The following MAP1LC3C variants were observed in gnomAD, a reference collection of about 807,000 sequenced individuals.
The protein encoded by MAP1LC3C is microtubule associated protein 1 light chain 3 gamma.
MAP1LC3C carries 12 observed loss-of-function variants against 10.4 expected under a neutral mutation model. The observed-to-expected ratio is 1.15, with a 90% CI of 0.74 to 1.86. The LOEUF (loss-of-function observed/expected upper bound fraction) is 1.86. MAP1LC3C is among the 40% of genes most tolerant of loss of function. MAP1LC3C has a pLI of 0.00. For missense variants in MAP1LC3C, 177 were observed against 185.7 expected, an observed-to-expected ratio of 0.95 and a Z score of 0.27; for synonymous variants, 70 against 69.0, an observed-to-expected ratio of 1.01 and a Z score of -0.07.
At chr1:241,997,297 A>T (rs1202171745) in intron 3 of MAP1LC3C, among the ~76,000 whole-genome samples, 1 of 152,142 alleles carries the variant, frequency 6.6e-6, no homozygotes, top group African/African-American at 2.4e-5. Context: ...GAATGCTCTT[A>T]ACTCAGTAAA....
At position 241,996,366 on chromosome 1, in the gene MAP1LC3C, C is replaced by T. The variant is rs1665085730; in HGVS notation, c.241G>A (p.Ala81Thr). ...ACCAGCAAGTAAAAGGCTTCCGTGG[C>T]TCTCAGGACCATGCGGCTCCTGGGA... The part of the protein sequence containing the change: ...SIIRSRMVLR[A>T]TEAFYLLVNN... The change falls in exon 4 of 4, where the codon GCC (alanine) becomes ACC (threonine). Residue 81 changes from alanine to threonine, a missense_variant. Ala to Thr is a moderately conservative substitution (Grantham distance 58). Transcript: ENST00000357246. The T allele has an allele frequency of 1.2e-6, 2 of 1,614,066 alleles. No individual in the cohort carries two copies. The highest frequency in any genetic ancestry group is 1.3e-5 in the African/African-American group (1 of 75,028).
At position 241,998,573 on chromosome 1, in the gene MAP1LC3C, G is replaced by A. The variant is rs2148600766; in HGVS notation, c.162C>T (p.Asp54=). The change falls in exon 3 of 4, where the codon GAC becomes GAT. Residue 54 remains aspartate, a synonymous_variant. Coordinates refer to ENST00000357246, the MANE Select transcript of MAP1LC3C (RefSeq NM_001004343.3). ...CCTGCGGGACCAGGAACTTGGTTTTGTCCAGCGGGGGCAGGAACGTCTCCC... is the reference window on the plus strand; with the variant it reads ...CCTGCGGGACCAGGAACTTGGTTTTATCCAGCGGGGGCAGGAACGTCTCCC... ...YPRETFLPPL[D]KTKFLVPQEL... 1 of 1,613,400 alleles carries A rather than the reference G, an allele frequency of 6.2e-7. No homozygotes were observed. The highest frequency in any genetic ancestry group is 8.5e-7 in the Non-Finnish European group (1 of 1,179,828).
At position 241,998,548 on chromosome 1, in the gene MAP1LC3C, C is replaced by A. The variant is rs1158894611; in HGVS notation, c.187G>T (p.Glu63Ter). 1.9e-6 allele frequency: 3 copies of A among 1,613,986 alleles called. No homozygotes were observed. The Admixed American group carries it at 5.0e-5, about 27-fold the overall frequency. Residue 63 changes from glutamate to a stop codon, truncating the protein, a stop_gained, in exon 3 of 4, where the codon GAG becomes TAG. Coordinates refer to ENST00000357246, the MANE Select transcript of MAP1LC3C (RefSeq NM_001004343.3). LOFTEE classifies it low-confidence loss of function (END_TRUNC). ...CTGAGGAACTGGGTCATGGTCAGCT[C>A]CTGCGGGACCAGGAACTTGGTTTTG... ...LDKTKFLVPQELTMTQFLSII... is the reference protein window; with the variant it reads ...LDKTKFLVPQ
chr1:241,998,928 G>A, intron 1 of MAP1LC3C, 23 bp downstream of exon 1: 1 of 1,611,486 alleles, frequency 6.2e-7, no homozygotes, highest in Non-Finnish European at 8.5e-7. Context: ...AGATAACCCA[G>A]AAAGCTACCC....
chr1:241,998,450 G>C, intron 3 of MAP1LC3C, 64 bp downstream of exon 3: 1 of 1,419,182 alleles, frequency 7.0e-7, no homozygotes, highest in Non-Finnish European at 9.9e-7. Flanking sequence ...GCCAAACGAA[G>C]AAAGCCCAAC....
At position 241,998,018 on chromosome 1, in the gene MAP1LC3C, ATTC is replaced by A. The variant is rs1365511012; in HGVS notation, c.221+493_221+495del. ...CTCCTTACCTGTTTAAAATAGAGTA[ATTC>A]TTTTTTTTTTTTTTTTTTTTTTGAG... On this transcript the variant is annotated intron_variant, in intron 3 of 3. Coordinates refer to ENST00000357246, the MANE Select transcript of MAP1LC3C (RefSeq NM_001004343.3). 1.4e-3 allele frequency among the ~76,000 whole-genome samples: 125 copies of A among 89,436 alleles called. 1 individual carries two copies. The highest frequency in any genetic ancestry group is 5.5e-3 in the African/African-American group (115 of 21,024). 58.7% of individuals were successfully genotyped at this position (89,436 alleles called of 152,430 possible).
upstream of MAP1LC3C, among the ~76,000 whole-genome samples, chr1:242,000,920 G>A (rs1261944669): frequency 1.3e-5 from 2 of 152,012 alleles, no homozygotes; most frequent in Non-Finnish European, 2.9e-5. Flanking sequence ...TCTTTCTGGC[G>A]ACCAGCCCCC....
rs776473823 is a variant in MAP1LC3C, at chr1:241,996,381, G to T, written c.226C>A (p.Arg76Ser). 2.5e-6 allele frequency: 4 copies of T among 1,613,726 alleles called. No individual in the cohort carries two copies. In the South Asian group the frequency reaches 3.3e-5, roughly 13 times the overall value. ...GCTTCCGTGGCTCTCAGGACCATGC[G>T]GCTCCTGGGATGGGCAGGAGGGTGG... ...MTQFLSIIRS[R>S]MVLRATEAFY... The change falls in exon 4 of 4, where the codon CGC becomes AGC. Residue 76 changes from arginine to serine, a missense_variant. By Grantham distance (110) the Arg-to-Ser change is moderately radical. Coordinates refer to ENST00000357246, the MANE Select transcript of MAP1LC3C (RefSeq NM_001004343.3).
rs368578106 is a variant in MAP1LC3C at position 241,996,015 on chromosome 1, G to A, written c.*148C>T. On this transcript the variant is annotated 3_prime_UTR_variant, in exon 4 of 4. Transcript: ENST00000357246. ...CGGAGCACAAAAACTAAACTAGGAA[G>A]AGCCACCACTCTGCTGCCACTGGTT... 10 of 596,538 alleles carry A rather than the reference G, an allele frequency of 1.7e-5. No individual in the cohort carries two copies. The highest frequency in any genetic ancestry group is 3.7e-5 in the African/African-American group (2 of 54,420). 37.0% of individuals were successfully genotyped at this position (596,538 alleles called of 1,614,324 possible).
upstream of MAP1LC3C, among the ~76,000 whole-genome samples, chr1:241,999,386 G>T (rs1475037049): frequency 1.3e-5 from 2 of 152,186 alleles, no homozygotes; most frequent in Admixed American, 6.5e-5. Flanking sequence ...CAGTAGCAAG[G>T]GGGGGTCCAA....
At chr1:241,998,328 A>G (rs1665128547) in intron 3 of MAP1LC3C, among the ~76,000 whole-genome samples, 186 bp downstream of exon 3, 1 of 152,128 alleles carries the variant, frequency 6.6e-6, no homozygotes, top group African/African-American at 2.4e-5. Flanking sequence ...GGGGTTTAAA[A>G]TAGAGTAATT....
Position 241,999,069 on chromosome 1 carries a change from C to A in MAP1LC3C, c.-61G>T, listed in dbSNP as rs368601673. 1.8e-4 allele frequency: 285 copies of A among 1,547,062 alleles called. No individual in the cohort carries two copies. Among genetic ancestry groups the A allele is most frequent in the Non-Finnish European group, 1.9e-4 (221 of 1,158,494 alleles). On this transcript the variant is annotated 5_prime_UTR_variant, in exon 1 of 4. In the 5' UTR this introduces an upstream ATG that the reference lacks. Transcript: ENST00000357246. ...AAAAAACTGTCCCGCAACCGGGAAC[C>A]TAACTCATTCCTCCAGCTGCTTCCA...
chr1:242,000,787 C>T (rs1385116377), upstream of MAP1LC3C, among the ~76,000 whole-genome samples: 1 of 152,138 alleles, frequency 6.6e-6, no homozygotes, highest in Non-Finnish European at 1.5e-5. Flanking sequence ...ACGGAGGCTT[C>T]ATTATGTAAG....
rs1049737898 is a variant in MAP1LC3C, at chr1:241,996,052, C to T, written c.*111G>A. 69 of 956,368 alleles carry T rather than the reference C, an allele frequency of 7.2e-5. No homozygotes were observed. The African/African-American group carries it at 1.1e-3, about 15-fold the overall frequency. 59.2% of individuals were successfully genotyped at this position (956,368 alleles called of 1,614,324 possible). The stretch of plus-strand genomic sequence containing the variant: ...TGCTGCCACTGGTTGGAGCTGATCA[C>T]CCCAGGCATCCCTGCTTCTCAGACT... On this transcript the variant is annotated 3_prime_UTR_variant, in exon 4 of 4. Transcript: ENST00000357246.
Position 241,996,045 on chromosome 1 carries a change from C to T in MAP1LC3C, c.*118G>A. Reference sequence around the variant, plus strand: ...ACCACTCTGCTGCCACTGGTTGGAGCTGATCACCCCAGGCATCCCTGCTTC... The same window carrying T: ...ACCACTCTGCTGCCACTGGTTGGAGTTGATCACCCCAGGCATCCCTGCTTC... On this transcript the variant is annotated 3_prime_UTR_variant, in exon 4 of 4. Transcript: ENST00000357246. The T allele has an allele frequency of 3.5e-6, 3 of 848,360 alleles. No homozygotes were observed. In the South Asian group the frequency reaches 5.9e-5, roughly 17 times the overall value. 52.6% of individuals were successfully genotyped at this position (848,360 alleles called of 1,614,324 possible). A position where few individuals can be genotyped will look rare whatever the true frequency, so the allele number is the denominator to read the frequency against.
In MAP1LC3C at chr1:241,998,799, C is replaced by T. The variant is rs1442988655; in HGVS notation, c.91G>A (p.Ala31Thr). The T allele has an allele frequency of 3.7e-6, 6 of 1,613,898 alleles. No individual in the cohort carries two copies. Among genetic ancestry groups the T allele is most frequent in the Non-Finnish European group, 5.1e-6 (6 of 1,180,022 alleles). The change falls in exon 2 of 4, where the codon GCA (alanine) becomes ACA (threonine). Residue 31 changes from alanine to threonine, a missense_variant. Transcript: ENST00000357246. ...IRQEEVAGIR[A>T]KFPNKIPVVV... ...ACCGGGATTTTGTTGGGGAACTTTG[C>T]CCGGATTCCAGCAACTTCCTCTTGT...
chr1:241,999,808 T>TCAAAA (rs111733892), upstream of MAP1LC3C, among the ~76,000 whole-genome samples: 1,711 of 151,910 alleles, frequency 0.011, 34 homozygotes, highest in African/African-American at 0.039. Context: ...AAACTTCATC[T>TCAAAA]CAAAACAAAA....
At position 241,998,584 on chromosome 1, in the gene MAP1LC3C, G is replaced by A. The variant is rs976065582; in HGVS notation, c.151C>T (p.Pro51Ser). The change falls in exon 3 of 4, where the codon CCC becomes TCC. Residue 51 changes from proline (P) to serine (S), a missense_variant. By Grantham distance (74) the Pro-to-Ser change is moderately conservative. Transcript: ENST00000357246. ...AGGAACTTGGTTTTGTCCAGCGGGG[G>A]CAGGAACGTCTCCCTGGGGTAGCGC... is the stretch of plus-strand genomic sequence containing the variant. ...VERYPRETFL[P>S]PLDKTKFLVP... 1 of 1,612,950 alleles carries A rather than the reference G, an allele frequency of 6.2e-7. No individual in the cohort carries two copies. Among genetic ancestry groups the A allele is most frequent in the Non-Finnish European group, 8.5e-7 (1 of 1,179,684 alleles).
chr1:241,996,139 A>T lies in MAP1LC3C; in HGVS notation c.*24T>A. 2 of 1,597,940 alleles carry T rather than the reference A, an allele frequency of 1.3e-6. No homozygotes were observed. Reference sequence around the variant, plus strand: ...TGCCAGCATCTGACACGTCTGTCAGAGCACACATCCTTCCCGACATGGGCT... The same window carrying T: ...TGCCAGCATCTGACACGTCTGTCAGTGCACACATCCTTCCCGACATGGGCT... On this transcript the variant is annotated 3_prime_UTR_variant, in exon 4 of 4. Coordinates refer to ENST00000357246, the MANE Select transcript of MAP1LC3C (RefSeq NM_001004343.3).
Sources: gnomAD v4.1 joint callset for allele counts (sites outside exome capture counted in the v4.1 genomes callset) on GRCh38, gnomAD v4.1.1 for gene constraint, MANE v1.5 for transcripts, NCBI Gene and HGNC (gene_info 2026-07-23, HGNC 2026-07-21) for gene names.